GABPB1: variants seen among roughly 807,000 people sequenced by gnomAD.
GABPB1 encodes GA binding protein transcription factor subunit beta 1, also known as GA-binding protein subunit beta-1.
In GABPB1, 15 loss-of-function variants were observed where a neutral mutation model predicts 45.9. That is an observed-to-expected ratio of 0.33 (90% CI 0.22 to 0.50). The LOEUF is 0.50. Ranked by LOEUF, GABPB1 falls within the 20% of genes least tolerant of loss-of-function variation. The pLI, the probability that GABPB1 is intolerant of heterozygous loss-of-function variation, is 0.98. For missense variants in GABPB1, 252 were observed against 457.5 expected (o/e 0.55, Z 4.10); for synonymous variants, 143 against 154.4 (o/e 0.93, Z 0.55).
At chr15:50,335,801 C>A (rs903703192) in intron 1 of GABPB1, among the ~76,000 whole-genome samples, 2 of 146,072 alleles carry the variant, frequency 1.4e-5, no homozygotes, top group East Asian at 4.1e-4. Context: ...AAGGCTGAGG[C>A]AGGAGAATCA....
chr15:50,326,638 G>T (rs982138208), intron 1 of GABPB1, among the ~76,000 whole-genome samples: 3 of 151,976 alleles, frequency 2.0e-5, no homozygotes, highest in Non-Finnish European at 4.4e-5. Context: ...CTCCAGCCTG[G>T]GCAACAGAGT....
intron 1 of GABPB1, chr15:50,350,659 C>T (rs1003911903): frequency 6.6e-5 from 10 of 152,074 alleles, no homozygotes; most frequent in Non-Finnish European, 1.2e-4. Context: ...TTATAGGTAA[C>T]TTGAAGACAC....
chr15:50,292,063 G>T (rs574978736), intron 6 of GABPB1, among the ~76,000 whole-genome samples: 3 of 151,750 alleles, frequency 2.0e-5, no homozygotes, highest in African/African-American at 7.3e-5. Context: ...GGCCGGGCGC[G>T]GTGGCTCATG....
intron 1 of GABPB1, chr15:50,354,541 G>A (rs2141205784): frequency 2.2e-6 from 1 of 448,424 alleles, no homozygotes; most frequent in Non-Finnish European, 4.5e-6. Flanking sequence ...GGCGCCAGAG[G>A]CCGAGGCCCA....
chr15:50,346,918 T>C (rs935758130), intron 1 of GABPB1, among the ~76,000 whole-genome samples: 3 of 151,376 alleles, frequency 2.0e-5, no homozygotes, highest in Non-Finnish European at 2.9e-5. Context: ...ACCTCCTGAG[T>C]AGCTGGGATT....
intron 1 of GABPB1, among the ~76,000 whole-genome samples, chr15:50,313,707 A>G (rs563459903): frequency 1.3e-5 from 2 of 152,266 alleles, no homozygotes; most frequent in South Asian, 4.1e-4. Flanking sequence ...ACATTATGAA[A>G]AGATATAAAT....
At chr15:50,290,763 A>G (rs2046317559) in intron 6 of GABPB1, among the ~76,000 whole-genome samples, 1 of 152,234 alleles carries the variant, frequency 6.6e-6, no homozygotes, top group Admixed American at 6.5e-5. Context: ...TGTGATAGTA[A>G]ATAGTGTATG....
chr15:50,282,882 C>T (rs1158686756), intron 8 of GABPB1, among the ~76,000 whole-genome samples: 3 of 152,108 alleles, frequency 2.0e-5, no homozygotes, highest in Non-Finnish European at 4.4e-5. Flanking sequence ...CGGTAAAACC[C>T]CGTCTCTACC....
intron 1 of GABPB1, among the ~76,000 whole-genome samples, chr15:50,315,747 T>C (rs1267191977): frequency 6.6e-6 from 1 of 152,216 alleles, no homozygotes; most frequent in Non-Finnish European, 1.5e-5. Flanking sequence ...TAGCTCCAGG[T>C]CAAGTCACTA....
At chr15:50,307,185 A>G (rs1024626441) in intron 2 of GABPB1, among the ~76,000 whole-genome samples, 1 of 152,098 alleles carries the variant, frequency 6.6e-6, no homozygotes, top group Non-Finnish European at 1.5e-5. Flanking sequence ...TTCCACCAAA[A>G]ATATTTGAGA....
chr15:50,285,910 C>T lies in GABPB1; in HGVS notation c.999+158G>A, dbSNP rs1002698317. Reference sequence around the variant, plus strand: ...TCATTCAATATTTATTTATTGAGGGCTTGCTATATGTATAAGGCAAAAATA... The same window carrying T: ...TCATTCAATATTTATTTATTGAGGGTTTGCTATATGTATAAGGCAAAAATA... On this transcript the variant is annotated intron_variant, in intron 8 of 8. Transcript: ENST00000380877. 6 of 1,385,260 alleles carry T rather than the reference C, an allele frequency of 4.3e-6. No individual in the cohort carries two copies. The African/African-American group carries it at 4.5e-5, about 10-fold the overall frequency. The allele number at this position is 1,385,260 out of a possible 1,614,324, so 85.8% of individuals were successfully genotyped here. A position where few individuals can be genotyped will look rare whatever the true frequency, so the allele number is the denominator to read the frequency against.
intron 1 of GABPB1, among the ~76,000 whole-genome samples, chr15:50,330,066 C>A (rs2047899741): frequency 6.6e-6 from 1 of 152,048 alleles, no homozygotes; most frequent in South Asian, 2.1e-4. Context: ...ATCACCACAC[C>A]TGACTAATTC....
At chr15:50,332,063 C>T (rs910529686) in intron 1 of GABPB1, among the ~76,000 whole-genome samples, 5 of 151,778 alleles carry the variant, frequency 3.3e-5, no homozygotes, top group East Asian at 1.9e-4. Flanking sequence ...TTAGTAGAGA[C>T]GGGGTTTCAC....
intron 1 of GABPB1, chr15:50,350,362 T>A (rs1268008556): frequency 6.9e-6 from 1 of 145,880 alleles, no homozygotes; most frequent in Admixed American, 7.1e-5. Context: ...CAATACTGCA[T>A]CTAGTATGCT....
chr15:50,354,115 G>A (rs1445247197), intron 1 of GABPB1: 1 of 302,162 alleles, frequency 3.3e-6, no homozygotes, highest in Non-Finnish European at 6.5e-6. Flanking sequence ...CACCCTTGAG[G>A]CTAGGCACGC....
intron 1 of GABPB1, among the ~76,000 whole-genome samples, chr15:50,335,955 C>G (rs952888378): frequency 7.1e-6 from 1 of 141,540 alleles, no homozygotes. Context: ...TATCCAGAAA[C>G]AAGATATATT....
chr15:50,325,866 T>A (rs2047737876), intron 1 of GABPB1, among the ~76,000 whole-genome samples: 2 of 151,672 alleles, frequency 1.3e-5, no homozygotes, highest in South Asian at 4.1e-4. Flanking sequence ...CTTCAGAATA[T>A]GCAAGAAGTC....
chr15:50,314,183 A>ATTTTTTT (rs879259395), intron 1 of GABPB1, among the ~76,000 whole-genome samples: 1 of 115,540 alleles, frequency 8.7e-6, no homozygotes, highest in Non-Finnish European at 2.0e-5. Context: ...TTATTTATTT[A>ATTTTTTT]TTTATTTATT....
chr15:50,305,272 T>C (rs531967565), intron 2 of GABPB1, among the ~76,000 whole-genome samples: 1 of 129,712 alleles, frequency 7.7e-6, no homozygotes, highest in East Asian at 1.9e-4. Context: ...AGGTCCTTAG[T>C]CCTATCTCTC....
Sources: gnomAD v4.1 joint callset for allele counts (sites outside exome capture counted in the v4.1 genomes callset) on GRCh38, gnomAD v4.1.1 for gene constraint, MANE v1.5 for transcripts, NCBI Gene and HGNC (gene_info 2026-07-23, HGNC 2026-07-21) for gene names.